The following DENND2B variants were observed in gnomAD, a reference collection of about 807,000 sequenced individuals.
The protein encoded by DENND2B is DENN domain-containing protein 2B.
In DENND2B, 32 loss-of-function variants were observed where a neutral mutation model predicts 116.0. That is an observed-to-expected ratio of 0.28 (90% CI 0.21 to 0.37). The LOEUF is 0.37. Among genes scored for constraint, DENND2B ranks in the 10% least tolerant of loss-of-function variants. The pLI is 1.00. For synonymous variants in DENND2B, 588 were observed against 583.9 expected (o/e 1.01, Z -0.10); for missense variants, 1,276 against 1,477.7 (o/e 0.86, Z 2.24).
Position 8,777,764 on chromosome 11 carries a change from A to G in DENND2B, c.-25-27039T>C, listed in dbSNP as rs75512072. Among the ~76,000 whole-genome samples the G allele has an allele frequency of 9.8e-3, 1,479 of 151,638 alleles. 21 individuals carry two copies. Among genetic ancestry groups the G allele is most frequent in the African/African-American group, 0.032 (1,328 of 41,480 alleles). On this transcript the variant is annotated intron_variant, in intron 1 of 19. Transcript: ENST00000313726. ...AGGGAATATAATGTTCAACCCAGGG[A>G]AAAAAAAGAGAGAACACCTAACCCA...
chr11:8,839,632 C>T (rs1594191107), intron 3 of DENND2B, among the ~76,000 whole-genome samples: 1 of 152,328 alleles, frequency 6.6e-6, no homozygotes, highest in African/African-American at 2.4e-5. Flanking sequence ...CCAGTGACCC[C>T]TCCTGTCCTC....
At chr11:8,776,186 A>ACACC (rs761084725) in intron 1 of DENND2B, 53 of 442,960 alleles carry the variant, frequency 1.2e-4, no homozygotes, top group Non-Finnish European at 2.2e-4. Context: ...ACACACACAC[A>ACACC]CCTACCTCTC....
intron 2 of DENND2B, among the ~76,000 whole-genome samples, chr11:8,880,740 C>T (rs904730861): frequency 6.6e-6 from 1 of 152,126 alleles, no homozygotes; most frequent in Admixed American, 6.6e-5. Context: ...TCACTACAAA[C>T]CTCCTCCTAA....
At chr11:8,701,624 C>T (rs1467991567) in intron 14 of DENND2B, among the ~76,000 whole-genome samples, 3 of 152,080 alleles carry the variant, frequency 2.0e-5, no homozygotes, top group Non-Finnish European at 4.4e-5. Flanking sequence ...GCATAAGAAC[C>T]AAAAACCCTA....
chr11:8,698,137 CAAAAAA>C (rs33975736), intron 16 of DENND2B, among the ~76,000 whole-genome samples: 608 of 39,784 alleles, frequency 0.015, 4 homozygotes, highest in Middle Eastern at 0.048. Context: ...ACCCTGTCTC[CAAAAAA>C]AAAAAAAAAA....
At chr11:8,763,003 A>G (rs2054968576) in intron 1 of DENND2B, among the ~76,000 whole-genome samples, 1 of 152,184 alleles carries the variant, frequency 6.6e-6, no homozygotes, top group Non-Finnish European at 1.5e-5. Flanking sequence ...AGACCATCCA[A>G]CCAAGAACTC....
At chr11:8,901,210 CTTTCTTTTCT>C (rs566458011) in intron 1 of DENND2B, among the ~76,000 whole-genome samples, 1 of 93,116 alleles carries the variant, frequency 1.1e-5, no homozygotes, top group African/African-American at 4.0e-5. Context: ...TTTTCTTTTT[CTTTCTTTTCT>C]TTTCTTTTCT....
chr11:8,880,345 CTGTGTGTGT>C lies in DENND2B; in HGVS notation c.-156+656_-156+664del, dbSNP rs1483774420. Among the ~76,000 whole-genome samples, 5 of 120,650 alleles carry C rather than the reference CTGTGTGTGT, an allele frequency of 4.1e-5. No individual in the cohort carries two copies. In the East Asian group the frequency reaches 1.2e-3, roughly 30 times the overall value. The allele number at this position is 120,650 out of a possible 152,430, so 79.2% of individuals were successfully genotyped here. ...ATGCACTGGAAGCTGTCACTTTGAACTGTGTGTGTGTGTGTGTGTGTGTGTGTGTGTGTG... is the reference window on the plus strand; with the variant it reads ...ATGCACTGGAAGCTGTCACTTTGAACGTGTGTGTGTGTGTGTGTGTGTGTG... On this transcript the variant is annotated intron_variant, in intron 2 of 22. Coordinates refer to the DENND2B transcript ENST00000534127.
intron 1 of DENND2B, among the ~76,000 whole-genome samples, chr11:8,798,036 A>G (rs1008361348): frequency 2.0e-5 from 3 of 152,288 alleles, no homozygotes; most frequent in African/African-American, 7.2e-5. Context: ...CGTCATTCTC[A>G]GAGGCCTTCT....
chr11:8,774,310 G>A, intron 1 of DENND2B: 3 of 985,426 alleles, frequency 3.0e-6, no homozygotes, highest in Non-Finnish European at 3.6e-6. Context: ...TCACCTGAAA[G>A]GCTGAAGGCT....
chr11:8,707,838 G>C lies in DENND2B; in HGVS notation c.2369C>G (p.Pro790Arg). ...CRRLLPSGKG[P>R]RLPEVYCVIS... ...GACACAGTACACCTCTGGCAACCGGGGCCCTTTCCCACTTGGCTGGGCCAG... is the reference window on the plus strand; with the variant it reads ...GACACAGTACACCTCTGGCAACCGGCGCCCTTTCCCACTTGGCTGGGCCAG... The change falls in exon 12 of 20, where the codon CCC (proline) becomes CGC (arginine). Residue 790 changes from proline (P) to arginine (R), a missense_variant. Pro to Arg is a moderately radical substitution (Grantham distance 103). Around this residue, in one of 2 missense-constraint regions of DENND2B, gnomAD observed 420 missense variants for 631.1 expected, o/e 0.67. Transcript: ENST00000313726. This position sits in a 1 kb window ranked among gnomAD's most constrained non-coding sequence, Gnocchi z 4.8. 6.2e-7 allele frequency: 1 copy of C among 1,610,620 alleles called. No individual in the cohort carries two copies. Among genetic ancestry groups the C allele is most frequent in the Non-Finnish European group, 8.5e-7 (1 of 1,178,674 alleles).
chr11:8,816,196 C>T (rs2061561579), intron 4 of DENND2B, among the ~76,000 whole-genome samples: 1 of 151,978 alleles, frequency 6.6e-6, no homozygotes, highest in African/African-American at 2.4e-5. Context: ...TTTCTAATGC[C>T]CCCCAGACTG....
At chr11:8,699,602 CA>C (rs2041126260) in intron 14 of DENND2B, among the ~76,000 whole-genome samples, 1 of 152,180 alleles carries the variant, frequency 6.6e-6, no homozygotes, top group African/African-American at 2.4e-5. Flanking sequence ...AATGTACCTG[CA>C]AACAGCCAGG....
intron 2 of DENND2B, among the ~76,000 whole-genome samples, chr11:8,734,805 A>AG (rs1328367497): frequency 4.0e-5 from 6 of 151,602 alleles, no homozygotes; most frequent in East Asian, 1.9e-4. Flanking sequence ...AAAAAAAAAA[A>AG]AAAAAAGAAA....
Position 8,714,674 on chromosome 11 carries a change from G to A in DENND2B, c.1878C>T (p.Ala626=), listed in dbSNP as rs2044386216. The change falls in exon 7 of 20, where the codon GCC becomes GCT. Residue 626 remains alanine (A), a synonymous_variant. Transcript: ENST00000313726. ...LVQRINSIYN[A]KRGKKRLKKL... is the part of the protein sequence containing the mutation. ...TTTTTAATCTCTTCTTTCCTCTCTT[G>A]GCATTGTAGATGGAGTTAATTCTTT... The A allele has an allele frequency of 2.5e-6, 4 of 1,613,988 alleles. No homozygotes were observed. The highest frequency in any genetic ancestry group is 3.3e-5 in the Admixed American group (2 of 60,000).
chr11:8,869,974 T>C (rs1193640404), intron 2 of DENND2B, among the ~76,000 whole-genome samples: 1 of 152,146 alleles, frequency 6.6e-6, no homozygotes, highest in East Asian at 1.9e-4. Context: ...TGAAAAATAT[T>C]AAAACAAAAC....
At chr11:8,718,074 C>T in intron 4 of DENND2B, 182 bp from the exon 5 acceptor site, 1 of 612,360 alleles carries the variant, frequency 1.6e-6, no homozygotes, top group South Asian at 2.0e-5. Context: ...CAGATCCTGG[C>T]TCCAAGTCCA....
In DENND2B at chr11:8,697,515, C is replaced by T. The variant is rs370919757; in HGVS notation, c.3052+10G>A. On this transcript the variant is annotated intron_variant, in intron 17 of 19. Coordinates refer to ENST00000313726, the MANE Select transcript of DENND2B (RefSeq NM_213618.2). ...GAGCAGAGCTGACCGTGCCCGGGCACTATTCTCACCATCGTCGGAGTCGCT... is the reference window on the plus strand; with the variant it reads ...GAGCAGAGCTGACCGTGCCCGGGCATTATTCTCACCATCGTCGGAGTCGCT... The T allele has an allele frequency of 1.9e-6, 3 of 1,610,284 alleles. No individual in the cohort carries two copies. The highest frequency in any genetic ancestry group is 1.7e-5 in the Admixed American group (1 of 60,032).
intron 2 of DENND2B, among the ~76,000 whole-genome samples, chr11:8,870,246 A>T (rs774014836): frequency 2.0e-5 from 3 of 152,234 alleles, no homozygotes; most frequent in Admixed American, 6.5e-5. Flanking sequence ...TTTCATATAA[A>T]GATCCCAGGA....
Sources: gnomAD v4.1 joint callset for allele counts (sites outside exome capture counted in the v4.1 genomes callset) on GRCh38, gnomAD v4.1.1 for gene constraint, gnomAD v4.1.1 regional missense constraint, Gnocchi (gnomAD v3.1) non-coding constraint, MANE v1.5 for transcripts, NCBI Gene and HGNC (gene_info 2026-07-23, HGNC 2026-07-21) for gene names.